The following DNAI2 variants were observed in gnomAD, a reference collection of about 807,000 sequenced individuals.
DNAI2 encodes the protein dynein, axonemal, intermediate polypeptide 2.
A neutral mutation model predicts 74.7 loss-of-function variants in DNAI2; 63 were observed. The ratio of observed to expected loss-of-function variants is 0.84; its 90% CI spans 0.69 to 1.04. The LOEUF is 1.04. Ranked by LOEUF, DNAI2 falls within the 50% of genes least tolerant of loss-of-function variation. DNAI2 has a pLI of 0.00. For missense variants in DNAI2, 688 were observed against 803.2 expected (o/e 0.86, Z 1.73); for synonymous variants, 289 against 314.9 (o/e 0.92, Z 0.87).
intron 4 of DNAI2, among the ~76,000 whole-genome samples, chr17:74,288,005 T>C (rs2051852755): frequency 6.6e-6 from 1 of 151,064 alleles, no homozygotes; most frequent in Non-Finnish European, 1.5e-5. Flanking sequence ...ATGGAGTCAT[T>C]TCCAGGATTC....
intron 9 of DNAI2, 89 bp from the exon 10 acceptor site, chr17:74,309,164 G>A (rs978018845): frequency 2.0e-6 from 3 of 1,464,974 alleles, no homozygotes; most frequent in Admixed American, 1.8e-5. Context: ...AAGACTCTGA[G>A]ATCCTGGAGC....
chr17:74,294,036 G>T (rs2052282755), intron 6 of DNAI2, among the ~76,000 whole-genome samples: 1 of 152,018 alleles, frequency 6.6e-6, no homozygotes, highest in African/African-American at 2.4e-5. Context: ...GCCCACCTCG[G>T]CCTCCCAAAG....
chr17:74,312,848 G>A (rs28574791), intron 12 of DNAI2, among the ~76,000 whole-genome samples: 11,042 of 152,264 alleles, frequency 0.073, 450 homozygotes, highest in African/African-American at 0.12. Flanking sequence ...TGTACCAGCG[G>A]AGAGAGGAAG....
chr17:74,313,801 C>T, intron 12 of DNAI2: 1 of 389,234 alleles, frequency 2.6e-6, no homozygotes. Flanking sequence ...ATCCTGGCCA[C>T]AGCCCTGCAA....
intron 8 of DNAI2, 152 bp from the exon 9 acceptor site, chr17:74,305,067 G>A (rs1021406574): frequency 2.6e-6 from 2 of 766,112 alleles, no homozygotes; most frequent in Non-Finnish European, 4.4e-6. Context: ...AGTGGGGACT[G>A]CTCTCCAGGA....
chr17:74,283,049 C>T (rs1567841773), intron 2 of DNAI2, among the ~76,000 whole-genome samples: 1 of 152,196 alleles, frequency 6.6e-6, no homozygotes, highest in African/African-American at 2.4e-5. Flanking sequence ...CTTTTCCAGA[C>T]TTGTTTTGTT....
At chr17:74,301,802 CAAGAAAGA>C (rs768061384) in intron 8 of DNAI2, among the ~76,000 whole-genome samples, 20 of 137,230 alleles carry the variant, frequency 1.5e-4, no homozygotes, top group Non-Finnish European at 2.3e-4. Flanking sequence ...CAGTCTTTAC[CAAGAAAGA>C]AAGAAAGAAA....
chr17:74,309,537 A>ACAC, intron 10 of DNAI2, 149 bp downstream of exon 10: 1 of 1,150,392 alleles, frequency 8.7e-7, no homozygotes, highest in Non-Finnish European at 1.3e-6. Flanking sequence ...GGCTGACTGC[A>ACAC]GCGATTGCTT....
At chr17:74,279,720 G>T (rs2051288045) in intron 1 of DNAI2, among the ~76,000 whole-genome samples, 1 of 152,154 alleles carries the variant, frequency 6.6e-6, no homozygotes, top group Non-Finnish European at 1.5e-5. Flanking sequence ...GTAGAGATGG[G>T]TTTTCGCCAT....
Position 74,281,804 on chromosome 17 carries a change from C to A in DNAI2, c.-11-3C>A, listed in dbSNP as rs935197493. On this transcript the variant is annotated splice_region_variant and splice_polypyrimidine_tract_variant and intron_variant, in intron 1 of 13. Transcript: ENST00000311014. ...CACCCCACACCCTCCCTCTGCCCCC[C>A]AGCAGCCGGCACCATGGAGATTGTG... 2.5e-6 allele frequency: 4 copies of A among 1,613,374 alleles called. No individual in the cohort carries two copies. The African/African-American group carries it at 4.0e-5, about 16-fold the overall frequency.
intron 1 of DNAI2, among the ~76,000 whole-genome samples, chr17:74,277,030 C>G (rs538517608): frequency 3.3e-5 from 5 of 152,006 alleles, no homozygotes; most frequent in Non-Finnish European, 1.5e-5. Flanking sequence ...CTTCTCATCC[C>G]ACCCTGTGCC....
intron 11 of DNAI2, 146 bp from the exon 12 acceptor site, chr17:74,311,857 A>G (rs1176447783): frequency 1.3e-6 from 1 of 786,648 alleles, no homozygotes; most frequent in Non-Finnish European, 2.1e-6. Context: ...CTTCCTTGAC[A>G]CCAGCCCTGG....
chr17:74,294,586 G>A (rs1170512058), intron 6 of DNAI2, among the ~76,000 whole-genome samples: 1 of 152,132 alleles, frequency 6.6e-6, no homozygotes, highest in Non-Finnish European at 1.5e-5. Context: ...AAAGTGCTGG[G>A]ATTTCAGGCG....
At chr17:74,307,083 T>C (rs2053230260) in intron 9 of DNAI2, 1 of 349,424 alleles carries the variant, frequency 2.9e-6, no homozygotes, top group Admixed American at 3.7e-5. Context: ...GTCCTCATTC[T>C]ACAGGGGTGG....
At chr17:74,291,831 T>A (rs1188024763) in intron 6 of DNAI2, among the ~76,000 whole-genome samples, 1 of 151,934 alleles carries the variant, frequency 6.6e-6, no homozygotes, top group Admixed American at 6.6e-5. Flanking sequence ...AGTTGGGAAG[T>A]ATTCCCTTCT....
intron 8 of DNAI2, among the ~76,000 whole-genome samples, chr17:74,303,015 C>T (rs1278123713): frequency 6.6e-6 from 1 of 152,204 alleles, no homozygotes; most frequent in Non-Finnish European, 1.5e-5. Flanking sequence ...GCTAGACATG[C>T]AGCCACATCA....
rs2053424769 is a variant in DNAI2 at position 74,310,067 on chromosome 17, C to T, written c.1398C>T (p.Leu466=). Residue 466 remains leucine (L), a synonymous_variant, in exon 11 of 14, where the codon CTC becomes CTT. Coordinates refer to ENST00000311014, the MANE Select transcript of DNAI2 (RefSeq NM_023036.6). ...FCLRVQDNGC[L]IACGSQLGTT... The stretch of plus-strand genomic sequence containing the variant: ...TCCGGGTGCAGGACAATGGGTGTCT[C>T]ATCGCCTGCGGCTCCCAGCTGGGGA... The T allele has an allele frequency of 3.1e-6, 5 of 1,613,860 alleles. No homozygotes were observed. Among genetic ancestry groups the T allele is most frequent in the Admixed American group, 1.7e-5 (1 of 60,006 alleles).
intron 6 of DNAI2, among the ~76,000 whole-genome samples, chr17:74,292,060 T>C (rs1411167958): frequency 6.6e-6 from 1 of 152,134 alleles, no homozygotes; most frequent in Non-Finnish European, 1.5e-5. Context: ...AGTTAGGGTT[T>C]CACTATGTTG....
intron 10 of DNAI2, chr17:74,309,599 G>C: frequency 1.3e-6 from 1 of 745,100 alleles, no homozygotes; most frequent in Non-Finnish European, 2.4e-6. Context: ...TTGGCATCCT[G>C]GTAGCACAAC....
Sources: allele counts gnomAD v4.1 joint callset (sites outside exome capture counted in the v4.1 genomes callset), GRCh38; gene constraint gnomAD v4.1.1; transcripts MANE v1.5; gene names NCBI Gene and HGNC (gene_info 2026-07-23, HGNC 2026-07-21).